The following FBXO15 variants were observed in gnomAD, a reference collection of about 807,000 sequenced individuals.
The protein encoded by FBXO15 is F-box only protein 15.
In FBXO15, 30 loss-of-function variants were observed where a neutral mutation model predicts 49.5. The ratio of observed to expected loss-of-function variants is 0.61; its 90% CI spans 0.45 to 0.82. The LOEUF (loss-of-function observed/expected upper bound fraction) is 0.82, where lower values mean the gene tolerates loss of function less well. Among genes scored for constraint, FBXO15 ranks in the 40% least tolerant of loss-of-function variants. The pLI is 0.00. For synonymous variants in FBXO15, 250 were observed against 232.7 expected (o/e 1.07, Z -0.68); for missense variants, 591 against 631.5 (o/e 0.94, Z 0.69).
intron 8 of FBXO15, among the ~76,000 whole-genome samples, chr18:74,111,132 C>T (rs1914010426): frequency 6.6e-6 from 1 of 151,824 alleles, no homozygotes; most frequent in South Asian, 2.1e-4. Context: ...TCACATGGAA[C>T]ATTTACAAAG....
intron 6 of FBXO15, among the ~76,000 whole-genome samples, chr18:74,125,269 G>A (rs1202422048): frequency 6.6e-6 from 1 of 152,146 alleles, no homozygotes; most frequent in African/African-American, 2.4e-5. Context: ...CTGCGGTCTC[G>A]CCCACAAGCC....
chr18:74,094,312 TGCAAAATCTG>T (rs1430394344), intron 8 of FBXO15, among the ~76,000 whole-genome samples: 3 of 152,190 alleles, frequency 2.0e-5, no homozygotes, highest in Non-Finnish European at 4.4e-5. Flanking sequence ...AGTGAATTCT[TGCAAAATCTG>T]GTTGTTTAAA....
rs554505245 is a variant in FBXO15, at chr18:74,138,814, G to T, written c.227+1388C>A. Reference sequence around the variant, plus strand: ...AGCCAACAGCTCTGGATTCCTACTTGCCTGTTTCCCCCTCACACCTACATT... The same window carrying T: ...AGCCAACAGCTCTGGATTCCTACTTTCCTGTTTCCCCCTCACACCTACATT... On this transcript the variant is annotated intron_variant, in intron 2 of 9. Coordinates refer to ENST00000419743, the MANE Select transcript of FBXO15 (RefSeq NM_001142958.2). 4.6e-5 allele frequency among the ~76,000 whole-genome samples: 7 copies of T among 152,182 alleles called. No individual in the cohort carries two copies. The East Asian group carries it at 1.4e-3, about 29-fold the overall frequency.
chr18:74,125,759 T>G (rs913877276), intron 6 of FBXO15, among the ~76,000 whole-genome samples: 25 of 152,066 alleles, frequency 1.6e-4, no homozygotes, highest in African/African-American at 5.3e-4. Context: ...GAACAACAGA[T>G]AGCAGAGTTG....
At chr18:74,101,716 T>C (rs9950300) in intron 8 of FBXO15, among the ~76,000 whole-genome samples, 13,086 of 151,592 alleles carry the variant, frequency 0.086, 1,846 homozygotes, top group African/African-American at 0.29. Flanking sequence ...TTTCAAACTA[T>C]ACTATAAGGC....
At chr18:74,081,262 G>T (rs7240618) in intron 9 of FBXO15, among the ~76,000 whole-genome samples, 1 of 152,290 alleles carries the variant, frequency 6.6e-6, no homozygotes, top group East Asian at 1.9e-4. Context: ...AGTCACAGGA[G>T]ATTGATCCCA....
chr18:74,078,035 G>A (rs1912325718), intron 9 of FBXO15, among the ~76,000 whole-genome samples: 1 of 152,136 alleles, frequency 6.6e-6, no homozygotes, highest in Non-Finnish European at 1.5e-5. Flanking sequence ...GAGAAACCCT[G>A]GCAGAAGTCA....
chr18:74,109,843 G>C (rs946320483), intron 8 of FBXO15, among the ~76,000 whole-genome samples: 10 of 151,924 alleles, frequency 6.6e-5, no homozygotes, highest in Non-Finnish European at 1.2e-4. Flanking sequence ...ATGGGGGGCT[G>C]GGGGAGGGAT....
rs374960482 is a variant in FBXO15 at position 74,073,515 on chromosome 18, C to G, written c.1479G>C (p.Leu493=). 1.2e-5 allele frequency: 19 copies of G among 1,614,032 alleles called. No homozygotes were observed. Among genetic ancestry groups the G allele is most frequent in the Non-Finnish European group, 1.5e-5 (18 of 1,180,030 alleles). Residue 493 remains leucine (L), a synonymous_variant, in exon 10 of 10, where the codon CTG becomes CTC. Transcript: ENST00000419743. ...RETEEYLIVN[L]VLYLSIAKIN... ...TTTTTGCGATACTAAGATAAAGGAC[C>G]AGGTTGACAATAAGGTATTCTTCGG...
At chr18:74,116,881 C>A (rs916385794) in intron 8 of FBXO15, among the ~76,000 whole-genome samples, 1 of 152,084 alleles carries the variant, frequency 6.6e-6, no homozygotes, top group Admixed American at 6.6e-5. Context: ...TCCCTACAGC[C>A]TGCCTGGTTA....
At chr18:74,135,989 A>G in intron 2 of FBXO15, 123 bp from the exon 3 acceptor site, 1 of 659,634 alleles carries the variant, frequency 1.5e-6, no homozygotes, top group Non-Finnish European at 2.6e-6. Flanking sequence ...CCCCTCCTGT[A>G]CAAGAGGCAA....
At chr18:74,089,869 T>C (rs1368998971) in intron 8 of FBXO15, among the ~76,000 whole-genome samples, 1 of 152,190 alleles carries the variant, frequency 6.6e-6, no homozygotes, top group Non-Finnish European at 1.5e-5. Flanking sequence ...GATATTGGCC[T>C]GAAGTTTTCT....
chr18:74,138,413 CTT>C (rs1978857388), intron 2 of FBXO15, among the ~76,000 whole-genome samples: 1 of 152,118 alleles, frequency 6.6e-6, no homozygotes, highest in African/African-American at 2.4e-5. Context: ...ACCGACTGCT[CTT>C]GTGTTGCAGG....
rs1360722297 is a variant in FBXO15, at chr18:74,073,721, T to A, written c.1273A>T (p.Met425Leu). 4.3e-6 allele frequency: 7 copies of A among 1,612,208 alleles called. No homozygotes were observed. In the East Asian group the frequency reaches 1.6e-4, roughly 36 times the overall value. The change falls in exon 10 of 10, where the codon ATG becomes TTG. Residue 425 changes from methionine (M) to leucine (L), a missense_variant. Met to Leu is a conservative substitution (Grantham distance 15, BLOSUM62 2). Coordinates refer to ENST00000419743, the MANE Select transcript of FBXO15 (RefSeq NM_001142958.2). ...TCATCCAAAAGAGTTACGTCCATCA[T>A]GGAACAACTCTGCAAAATAAACACA... Reference protein sequence around the residue: ...IFDGCIKSCSMMDVTLLDEHG... With the variant: ...IFDGCIKSCSLMDVTLLDEHG...
intron 8 of FBXO15, among the ~76,000 whole-genome samples, chr18:74,109,875 T>G (rs1238651050): frequency 2.6e-5 from 4 of 152,044 alleles, no homozygotes; most frequent in African/African-American, 9.7e-5. Flanking sequence ...AAATACCTAA[T>G]GTAGATGACG....
chr18:74,093,084 G>T (rs924215451), intron 8 of FBXO15, among the ~76,000 whole-genome samples: 4 of 152,186 alleles, frequency 2.6e-5, no homozygotes, highest in African/African-American at 9.7e-5. Context: ...ACAGGGTGGG[G>T]GCAGGCCTGC....
In FBXO15 at chr18:74,116,728, C is replaced by T. The variant is rs1914248936; in HGVS notation, c.1138+6640G>A. On this transcript the variant is annotated intron_variant, in intron 8 of 9. Transcript: ENST00000419743. The stretch of plus-strand genomic sequence containing the variant: ...TCATGCTTGTGCCTGGATTACCAAG[C>T]CTCTCTCTGTCCCTAACCCTATCAG... Among the ~76,000 whole-genome samples the T allele has an allele frequency of 2.0e-5, 3 of 152,130 alleles. No individual in the cohort carries two copies. In the South Asian group the frequency reaches 6.2e-4, roughly 32 times the overall value.
chr18:74,135,401 C>T (rs899231842), intron 3 of FBXO15, among the ~76,000 whole-genome samples: 2 of 152,156 alleles, frequency 1.3e-5, no homozygotes, highest in Non-Finnish European at 2.9e-5. Context: ...TTCTGCTCTG[C>T]GAATGCACGG....
chr18:74,134,749 T>C (rs1193170473), intron 3 of FBXO15, among the ~76,000 whole-genome samples: 1 of 152,156 alleles, frequency 6.6e-6, no homozygotes, highest in Non-Finnish European at 1.5e-5. Flanking sequence ...TGTTTTAAAC[T>C]TTCCCAGGTG....
Sources: allele counts gnomAD v4.1 joint callset (sites outside exome capture counted in the v4.1 genomes callset), GRCh38; gene constraint gnomAD v4.1.1; transcripts MANE v1.5; gene names NCBI Gene and HGNC (gene_info 2026-07-23, HGNC 2026-07-21).